PRR14L: variants seen among roughly 807,000 people sequenced by gnomAD.
The protein encoded by PRR14L is proline rich 14 like.
Under a neutral mutation model 155.0 loss-of-function variants are expected in PRR14L, and 80 were observed. The ratio of observed to expected loss-of-function variants is 0.52; its 90% CI spans 0.43 to 0.62. The LOEUF is 0.62. Among genes scored for constraint, PRR14L ranks in the 20% least tolerant of loss-of-function variants. The probability of loss-of-function intolerance (pLI) is 0.00; values close to 1 mark genes in which losing one functional copy is unlikely to be tolerated. For synonymous variants in PRR14L, 883 were observed against 916.0 expected (o/e 0.96, Z 0.65); for missense variants, 2,469 against 2,548.0 (o/e 0.97, Z 0.67).
chr22:31,715,360 C>A lies in PRR14L; in HGVS notation c.2479G>T (p.Ala827Ser). 2 of 1,552,054 alleles carry A rather than the reference C, an allele frequency of 1.3e-6. No individual in the cohort carries two copies. The highest frequency in any genetic ancestry group is 1.7e-6 in the Non-Finnish European group (2 of 1,147,066). Residue 827 changes from alanine (A) to serine (S), a missense_variant, in exon 4 of 9, where the codon GCA becomes TCA. Around this residue, in one of 2 missense-constraint regions of PRR14L, gnomAD observed 2,363 missense variants for 2,371.6 expected, o/e 1.00. Transcript: ENST00000327423. ...CAGCAGTGATCACGGTGCTGAAATGCATTTTCATATTTTGTTATCAAAGAG... is the reference window on the plus strand; with the variant it reads ...CAGCAGTGATCACGGTGCTGAAATGAATTTTCATATTTTGTTATCAAAGAG... ...DNSLITKYENAFQHRDHCCQG... is the reference protein window; with the variant it reads ...DNSLITKYENSFQHRDHCCQG...
intron 2 of PRR14L, among the ~76,000 whole-genome samples, chr22:31,727,584 T>G (rs890638711): frequency 6.6e-6 from 1 of 152,092 alleles, no homozygotes; most frequent in Non-Finnish European, 1.5e-5. Flanking sequence ...CCCTGACTTA[T>G]TGACTTCTCT....
intron 3 of PRR14L, among the ~76,000 whole-genome samples, chr22:31,719,583 G>T (rs81946): frequency 0.1 from 15,824 of 152,042 alleles, 1,055 homozygotes; most frequent in African/African-American, 0.18. Context: ...ATTAATGAAC[G>T]AATATAGTTA....
rs1205380951 is a variant in PRR14L, at chr22:31,685,807, A to C, written c.6180-4T>G. On this transcript the variant is annotated splice_polypyrimidine_tract_variant and splice_region_variant and intron_variant, in intron 8 of 8. Transcript: ENST00000327423. Reference sequence around the variant, plus strand: ...CTCAAAGATGGTCTCTAAACACCTAAGGATGAAGCACGAAACAATCACCAA... The same window carrying C: ...CTCAAAGATGGTCTCTAAACACCTACGGATGAAGCACGAAACAATCACCAA... The C allele has an allele frequency of 3.2e-6, 5 of 1,550,696 alleles. No homozygotes were observed. In the South Asian group the frequency reaches 5.9e-5, roughly 18 times the overall value.
chr22:31,732,987 TC>T (rs2074758326), intron 2 of PRR14L, among the ~76,000 whole-genome samples: 1 of 151,404 alleles, frequency 6.6e-6, no homozygotes, highest in Non-Finnish European at 1.5e-5. Flanking sequence ...TAGAAGTGTA[TC>T]TTTTTTTTTT....
intron 7 of PRR14L, among the ~76,000 whole-genome samples, chr22:31,690,947 A>C (rs1292727121): frequency 7.1e-6 from 1 of 140,196 alleles, no homozygotes; most frequent in African/African-American, 2.7e-5. Context: ...GCCTCCAGCT[A>C]ATTTTTTTTT....
At chr22:31,694,917 T>C (rs1361659234) in intron 7 of PRR14L, among the ~76,000 whole-genome samples, 1 of 151,582 alleles carries the variant, frequency 6.6e-6, no homozygotes, top group Non-Finnish European at 1.5e-5. Flanking sequence ...ACCCTGTCTC[T>C]ACTAAAAATA....
At chr22:31,739,686 T>C (rs1024653022) in intron 1 of PRR14L, among the ~76,000 whole-genome samples, 3 of 152,162 alleles carry the variant, frequency 2.0e-5, no homozygotes, top group African/African-American at 7.2e-5. Context: ...AAATATTACA[T>C]GGTTGTCTGA....
intron 7 of PRR14L, among the ~76,000 whole-genome samples, chr22:31,700,752 C>T (rs1383411540): frequency 6.6e-6 from 1 of 152,118 alleles, no homozygotes; most frequent in Non-Finnish European, 1.5e-5. Flanking sequence ...GACGGGGTTT[C>T]TCCATGTTGG....
intron 3 of PRR14L, among the ~76,000 whole-genome samples, chr22:31,722,692 T>C (rs1039883189): frequency 3.3e-5 from 5 of 151,864 alleles, no homozygotes; most frequent in Admixed American, 2.6e-4. Context: ...CTGGCTAATT[T>C]TGTTTTTTTT....
chr22:31,714,056 A>C lies in PRR14L; in HGVS notation c.3783T>G (p.Leu1261=), dbSNP rs1190656517. 1 of 1,550,042 alleles carries C rather than the reference A, an allele frequency of 6.5e-7. No homozygotes were observed. Among genetic ancestry groups the C allele is most frequent in the Non-Finnish European group, 8.7e-7 (1 of 1,146,670 alleles). The change falls in exon 4 of 9, where the codon CTT becomes CTG. Residue 1261 remains leucine, a synonymous_variant. Coordinates refer to ENST00000327423, the MANE Select transcript of PRR14L (RefSeq NM_173566.3). The part of the protein sequence containing the change: ...VNSEETDLKN[L]CKPKDGEMLC... Reference sequence around the variant, plus strand: ...GCATTTCACCATCTTTTGGTTTACAAAGATTTTTCAGGTCAGTTTCTTCAC... The same window carrying C: ...GCATTTCACCATCTTTTGGTTTACACAGATTTTTCAGGTCAGTTTCTTCAC...
rs751066205 is a variant in PRR14L at position 31,716,062 on chromosome 22, C to T, written c.1777G>A (p.Gly593Ser). 1.6e-4 allele frequency: 255 copies of T among 1,550,638 alleles called. No homozygotes were observed. The highest frequency in any genetic ancestry group is 2.2e-4 in the Non-Finnish European group (252 of 1,146,966). The change falls in exon 4 of 9, where the codon GGT (glycine) becomes AGT (serine). Residue 593 changes from glycine (G) to serine (S), a missense_variant. Physicochemically the swap from Gly to Ser is moderately conservative, Grantham distance 56 (BLOSUM62 0). Coordinates refer to ENST00000327423, the MANE Select transcript of PRR14L (RefSeq NM_173566.3). The part of the protein sequence containing the change: ...PVSEVLKPKQ[G>S]TALLLPSPEF... ...GGGGATGGTAGCAACAGAGCAGTAC[C>T]TTGCTTGGGTTTTAATACCTCACTT...
At chr22:31,698,300 C>T (rs1342372816) in intron 7 of PRR14L, among the ~76,000 whole-genome samples, 1 of 152,084 alleles carries the variant, frequency 6.6e-6, no homozygotes, top group Non-Finnish European at 1.5e-5. Flanking sequence ...GCTGTGATTA[C>T]AGGCATGAGC....
intron 4 of PRR14L, among the ~76,000 whole-genome samples, chr22:31,709,648 C>T (rs928632907): frequency 2.1e-5 from 3 of 143,016 alleles, no homozygotes; most frequent in Admixed American, 7.4e-5. Context: ...TCAAGCGATT[C>T]TCCTGCCTCA....
chr22:31,711,430 C>T (rs2074621431), intron 4 of PRR14L, among the ~76,000 whole-genome samples: 1 of 151,992 alleles, frequency 6.6e-6, no homozygotes. Context: ...GAGATTGCGC[C>T]ACTGCATTCC....
chr22:31,749,156 C>G (rs998175068), intron 1 of PRR14L, among the ~76,000 whole-genome samples: 10 of 152,136 alleles, frequency 6.6e-5, no homozygotes, highest in African/African-American at 2.4e-4. Flanking sequence ...TCTAAGAAAA[C>G]AGAACCCAAA....
intron 2 of PRR14L, among the ~76,000 whole-genome samples, chr22:31,737,774 A>T (rs2074790195): frequency 6.6e-6 from 1 of 152,024 alleles, no homozygotes; most frequent in Admixed American, 6.6e-5. Flanking sequence ...CCACTTTAGG[A>T]GGCTGAGGTG....
intron 2 of PRR14L, among the ~76,000 whole-genome samples, chr22:31,728,672 T>C (rs2074731071): frequency 7.0e-6 from 1 of 142,072 alleles, no homozygotes; most frequent in Non-Finnish European, 1.5e-5. Flanking sequence ...ATTCAGATTG[T>C]GCCACTGCAC....
intron 1 of PRR14L, among the ~76,000 whole-genome samples, chr22:31,748,968 G>A (rs1328368377): frequency 6.6e-6 from 1 of 152,188 alleles, no homozygotes; most frequent in African/African-American, 2.4e-5. Context: ...CAGTGAGAAA[G>A]GATGGTTGAA....
At chr22:31,706,595 T>G (rs1319779516) in intron 4 of PRR14L, among the ~76,000 whole-genome samples, 5 of 151,938 alleles carry the variant, frequency 3.3e-5, no homozygotes, top group Non-Finnish European at 2.9e-5. Context: ...GGTTAATTTT[T>G]GTATTCTTAG....
Sources: allele counts gnomAD v4.1 joint callset (sites outside exome capture counted in the v4.1 genomes callset), GRCh38; gene constraint gnomAD v4.1.1; regional missense constraint gnomAD v4.1.1; transcripts MANE v1.5; gene names NCBI Gene and HGNC (gene_info 2026-07-23, HGNC 2026-07-21).